Variants in COPZ2 observed in about 807,000 individuals in gnomAD.
COPZ2 encodes the protein coatomer subunit zeta-2.
COPZ2 carries 30 observed loss-of-function variants against 33.2 expected under a neutral mutation model. That is an observed-to-expected ratio of 0.90 (90% CI 0.68 to 1.23). The LOEUF (loss-of-function observed/expected upper bound fraction) is 1.23, where lower values mean the gene tolerates loss of function less well. COPZ2 is among the 50% of genes most tolerant of loss of function. The pLI, the probability that COPZ2 is intolerant of heterozygous loss-of-function variation, is 0.00. For synonymous variants in COPZ2, 89 were observed against 102.6 expected, an observed-to-expected ratio of 0.87 and a Z score of 0.80; for missense variants, 263 against 262.4, an observed-to-expected ratio of 1.00 and a Z score of -0.02.
At chr17:48,037,990 C>T (rs1395140927), upstream of COPZ2, 13 of 485,574 alleles carry the variant, frequency 2.7e-5, no homozygotes, top group Non-Finnish European at 3.5e-5. The surrounding 1 kb of genome is among the most constrained non-coding windows in gnomAD (Gnocchi z 5.6). Context: ...GGCTCCTTCC[C>T]GAGTCCCTTA....
chr17:48,026,810 C>T (rs2036824428), intron 8 of COPZ2, among the ~76,000 whole-genome samples: 1 of 152,246 alleles, frequency 6.6e-6, no homozygotes, highest in Non-Finnish European at 1.5e-5. Context: ...GGAGACGGGG[C>T]CCAGGCCTGA....
chr17:48,043,063 TGCA>T, the COPZ2 span, among the ~76,000 whole-genome samples: 1 of 152,224 alleles, frequency 6.6e-6, no homozygotes, highest in African/African-American at 2.4e-5. Context: ...AGCATGCACG[TGCA>T]GCAGCAGACT....
At chr17:48,032,824 G>A (rs942076458) in intron 4 of COPZ2, 83 bp from the exon 5 acceptor site, 15 of 1,108,602 alleles carry the variant, frequency 1.4e-5, no homozygotes, top group East Asian at 5.2e-5. Flanking sequence ...CCACCTGTGC[G>A]GGCAGCAATG....
chr17:48,028,586 C>T lies in COPZ2; in HGVS notation c.547-76G>A, dbSNP rs2036848677. On this transcript the variant is annotated intron_variant, in intron 7 of 8. Coordinates refer to ENST00000621465, the MANE Select transcript of COPZ2 (RefSeq NM_016429.4). This position sits in a 1 kb window ranked among gnomAD's most constrained non-coding sequence, Gnocchi z 4.5. ...GGGTCAGGGAGGTGAAGGAAAGGGGCTTGGGGGTATGGGTGAGGTGGTGCA... is the reference window on the plus strand; with the variant it reads ...GGGTCAGGGAGGTGAAGGAAAGGGGTTTGGGGGTATGGGTGAGGTGGTGCA... The T allele has an allele frequency of 1.4e-6, 2 of 1,434,294 alleles. No individual in the cohort carries two copies. Among genetic ancestry groups the T allele is most frequent in the Non-Finnish European group, 1.9e-6 (2 of 1,040,308 alleles). 88.8% of individuals were successfully genotyped at this position (1,434,294 alleles called of 1,614,324 possible).
In COPZ2 at chr17:48,026,384, T is replaced by C; in HGVS notation, c.*44A>G. 6.6e-7 allele frequency: 1 copy of C among 1,515,662 alleles called. No homozygotes were observed. Among genetic ancestry groups the C allele is most frequent in the Non-Finnish European group, 9.2e-7 (1 of 1,090,644 alleles). The allele number at this position is 1,515,662 out of a possible 1,614,324, so 93.9% of individuals were successfully genotyped here. A position where few individuals can be genotyped will look rare whatever the true frequency, so the allele number is the denominator to read the frequency against. ...GGGATCTTTGGGCTTTTGCCAGGAT[T>C]GGGGAAATGATCTGGGGGGCAGGGA... On this transcript the variant is annotated 3_prime_UTR_variant, in exon 9 of 9. Transcript: ENST00000621465.
the COPZ2 span, among the ~76,000 whole-genome samples, chr17:48,043,077 C>T: frequency 5.3e-5 from 8 of 152,244 alleles, no homozygotes; most frequent in Non-Finnish European, 1.0e-4. Flanking sequence ...GCAGCAGACT[C>T]GGCAGGAGAG....
intron 2 of COPZ2, among the ~76,000 whole-genome samples, chr17:48,035,489 G>A (rs1026625838): frequency 5.9e-5 from 9 of 152,022 alleles, no homozygotes; most frequent in African/African-American, 1.7e-4. Flanking sequence ...TCAACCTCTC[G>A]GGCTCAGGCA....
At position 48,033,860 on chromosome 17, in the gene COPZ2, T is replaced by TA; in HGVS notation, c.268+2dup. The TA allele has an allele frequency of 6.2e-7, 1 of 1,602,592 alleles. No individual in the cohort carries two copies. ...TCTGCTGGAGGAAGAGGGGGACACT[T>TA]ACTCTCAGTCCGGCTGGTCTTGTTG... On this transcript the variant is annotated splice_region_variant and intron_variant, in intron 3 of 8. Transcript: ENST00000621465.
At chr17:48,030,289 A>AACACAAAC (rs2036875240) in intron 6 of COPZ2, among the ~76,000 whole-genome samples, 1 of 128,308 alleles carries the variant, frequency 7.8e-6, no homozygotes, top group Non-Finnish European at 1.8e-5. Context: ...TCCATCTCAA[A>AACACAAAC]ACACACACAC....
At chr17:48,036,174 A>T (rs571309859) in intron 2 of COPZ2, among the ~76,000 whole-genome samples, 1 of 152,232 alleles carries the variant, frequency 6.6e-6, no homozygotes, top group African/African-American at 2.4e-5. Context: ...GTTTGCTAGG[A>T]TAGATAACAG....
At chr17:48,033,179 C>T (rs1221943596) in intron 4 of COPZ2, 32 bp downstream of exon 4, 1 of 1,409,292 alleles carries the variant, frequency 7.1e-7, no homozygotes, top group Admixed American at 1.7e-5. Flanking sequence ...CATAGACAGA[C>T]CCTTCTTACT....
intron 2 of COPZ2, among the ~76,000 whole-genome samples, chr17:48,035,909 A>T (rs973209687): frequency 1.3e-5 from 2 of 151,086 alleles, no homozygotes; most frequent in African/African-American, 2.4e-5. Context: ...GCCCACCACC[A>T]TGCCTGGCTA....
At chr17:48,040,717 C>T (rs1324851523), upstream of COPZ2, among the ~76,000 whole-genome samples, 1 of 151,910 alleles carries the variant, frequency 6.6e-6, no homozygotes, top group Non-Finnish European at 1.5e-5. Flanking sequence ...AGGCATGAGC[C>T]ACTGCACCTG....
chr17:48,029,099 G>A lies in COPZ2; in HGVS notation c.546+26C>T, dbSNP rs146381669. 1,451 of 1,564,890 alleles carry A rather than the reference G, an allele frequency of 9.3e-4. 1 individual carries two copies. The highest frequency in any genetic ancestry group is 1.2e-3 in the Non-Finnish European group (1,376 of 1,153,978). ...GGAGGACAGGAAGGGCAGCCTAAAA[G>A]AGGAGGTGTCCAGGAAGACTCTTAC... On this transcript the variant is annotated intron_variant, in intron 7 of 8. Transcript: ENST00000621465.
the COPZ2 span, chr17:48,046,323 T>C: frequency 2.6e-5 from 4 of 152,252 alleles, no homozygotes; most frequent in African/African-American, 9.6e-5. Context: ...TATGTTTTGT[T>C]TTGTTGAGGA....
chr17:48,026,569 C>A, intron 8 of COPZ2, 94 bp from the exon 9 acceptor site: 5 of 886,558 alleles, frequency 5.6e-6, no homozygotes, highest in Non-Finnish European at 9.1e-6. Context: ...CTTGCCGAAG[C>A]GCCCCTGCAA....
rs551140711 is a variant in COPZ2 at position 48,033,198 on chromosome 17, C to A, written c.360+13G>T. On this transcript the variant is annotated intron_variant, in intron 4 of 8. Coordinates refer to ENST00000621465, the MANE Select transcript of COPZ2 (RefSeq NM_016429.4). The stretch of plus-strand genomic sequence containing the variant: ...GACAGACCCTTCTTACTGCCCCAAC[C>A]TCCTGAATTCACCTCATTCTCGTAG... 41 of 1,568,888 alleles carry A rather than the reference C, an allele frequency of 2.6e-5. 1 individual carries two copies. The South Asian group carries it at 4.3e-4, about 16-fold the overall frequency.
intron 2 of COPZ2, 97 bp from the exon 3 acceptor site, chr17:48,034,041 G>A: frequency 1.2e-6 from 1 of 807,348 alleles, no homozygotes; most frequent in South Asian, 1.5e-5. Flanking sequence ...GGGCAAGCGG[G>A]ATCCTGCTTC....
chr17:48,035,589 G>A (rs1373825533), intron 2 of COPZ2, among the ~76,000 whole-genome samples: 1 of 151,844 alleles, frequency 6.6e-6, no homozygotes, highest in East Asian at 1.9e-4. Flanking sequence ...TTTTGTTTTT[G>A]TTTTGTTTTG....
Sources: gnomAD v4.1 joint callset for allele counts (sites outside exome capture counted in the v4.1 genomes callset) on GRCh38, gnomAD v4.1.1 for gene constraint, Gnocchi (gnomAD v3.1) non-coding constraint, MANE v1.5 for transcripts, NCBI Gene and HGNC (gene_info 2026-07-23, HGNC 2026-07-21) for gene names.